The following WWOX variants were observed in gnomAD, a reference collection of about 807,000 sequenced individuals.
The protein encoded by WWOX is WW domain-containing oxidoreductase.
Under a neutral mutation model 46.2 loss-of-function variants are expected in WWOX, and 69 were observed. That is an observed-to-expected ratio of 1.49 (90% CI 1.23 to 1.82). The LOEUF is 1.82. WWOX is among the 40% of genes most tolerant of loss of function. The pLI is 0.00. For missense variants in WWOX, 919 were observed against 542.6 expected (o/e 1.69, Z -6.89); for synonymous variants, 359 against 202.6 (o/e 1.77, Z -6.56).
At chr16:78,815,233 G>A (rs756504857) in intron 8 of WWOX, among the ~76,000 whole-genome samples, 21 of 151,994 alleles carry the variant, frequency 1.4e-4, no homozygotes, top group Admixed American at 2.6e-4. Context: ...GTTGAGACAG[G>A]AGATTTCCTT....
intron 8 of WWOX, among the ~76,000 whole-genome samples, chr16:78,887,079 TGTGTGTGTGTGTGTGTGTGTGTGTG>T (rs1567627147): frequency 7.0e-4 from 5 of 7,190 alleles, no homozygotes; most frequent in Admixed American, 6.7e-3. Context: ...GTGTGTGTGG[TGTGTGTGTGTGTGTGTGTGTGTGTG>T]TGTGTGTGTG....
chr16:78,759,486 C>T (rs1262620043), intron 8 of WWOX, among the ~76,000 whole-genome samples: 1 of 152,112 alleles, frequency 6.6e-6, no homozygotes, highest in Non-Finnish European at 1.5e-5. Flanking sequence ...CCCTTGAAGC[C>T]TCTTGACATA....
chr16:78,859,728 C>T (rs1420904448), intron 8 of WWOX, among the ~76,000 whole-genome samples: 1 of 152,078 alleles, frequency 6.6e-6, no homozygotes, highest in African/African-American at 2.4e-5. Context: ...GATATAACAG[C>T]TGGCAAACAG....
intron 8 of WWOX, among the ~76,000 whole-genome samples, chr16:78,827,178 C>T (rs1597680420): frequency 2.0e-5 from 3 of 152,220 alleles, no homozygotes; most frequent in South Asian, 2.1e-4. Flanking sequence ...AGTACATAGG[C>T]ATCAAGTGAA....
At chr16:78,645,610 A>T (rs932345660) in intron 8 of WWOX, among the ~76,000 whole-genome samples, 2 of 152,112 alleles carry the variant, frequency 1.3e-5, no homozygotes, top group Non-Finnish European at 2.9e-5. Flanking sequence ...GAAAGGGAGC[A>T]AGAGAGGGGA....
intron 8 of WWOX, among the ~76,000 whole-genome samples, chr16:78,792,288 C>G (rs2050625371): frequency 6.6e-6 from 1 of 152,190 alleles, no homozygotes; most frequent in Admixed American, 6.5e-5. Context: ...CTAGGCTGGA[C>G]TTGGCTGGAG....
intron 8 of WWOX, among the ~76,000 whole-genome samples, chr16:79,197,999 GT>G (rs2051273363): frequency 6.6e-6 from 1 of 152,078 alleles, no homozygotes; most frequent in African/African-American, 2.4e-5. Context: ...AAATCAATTG[GT>G]CATCTACCAA....
intron 8 of WWOX, among the ~76,000 whole-genome samples, chr16:78,808,959 C>A (rs899383647): frequency 6.6e-6 from 1 of 152,112 alleles, no homozygotes; most frequent in Admixed American, 6.6e-5. Flanking sequence ...TGCGCTTGAT[C>A]TAAATGTACT....
rs1400826554 is a variant in WWOX at position 79,207,152 on chromosome 16, C to T, written c.1057-4456C>T. On this transcript the variant is annotated intron_variant, in intron 8 of 8. Coordinates refer to ENST00000566780, the MANE Select transcript of WWOX (RefSeq NM_016373.4). ...CCTGTGACATGAGGGCTCACCCCCTCATCTCCACCGCAGCAGCTCTCTGAT... is the reference window on the plus strand; with the variant it reads ...CCTGTGACATGAGGGCTCACCCCCTTATCTCCACCGCAGCAGCTCTCTGAT... Among the ~76,000 whole-genome samples, 33 of 152,158 alleles carry T rather than the reference C, an allele frequency of 2.2e-4. 1 individual carries two copies. The highest frequency in any genetic ancestry group is 7.4e-5 in the Non-Finnish European group (5 of 68,020).
chr16:78,377,480 C>T (rs1199611065), intron 5 of WWOX, among the ~76,000 whole-genome samples: 1 of 152,044 alleles, frequency 6.6e-6, no homozygotes, highest in African/African-American at 2.4e-5. Flanking sequence ...AAAATGTAAC[C>T]ACGCTTTACC....
intron 8 of WWOX, among the ~76,000 whole-genome samples, chr16:78,682,877 A>G (rs1053620966): frequency 1.3e-5 from 2 of 152,142 alleles, no homozygotes; most frequent in South Asian, 4.1e-4. Context: ...AGCTTTAGAT[A>G]ATGCATTGTA....
At chr16:79,059,046 T>C (rs757851673) in intron 8 of WWOX, among the ~76,000 whole-genome samples, 4 of 152,226 alleles carry the variant, frequency 2.6e-5, no homozygotes, top group African/African-American at 4.8e-5. Flanking sequence ...CTGGAGATTG[T>C]TATCAGTCAT....
At chr16:78,821,207 A>G (rs1295839815) in intron 8 of WWOX, among the ~76,000 whole-genome samples, 5 of 152,128 alleles carry the variant, frequency 3.3e-5, no homozygotes, top group African/African-American at 1.2e-4. Context: ...ACACCCATCT[A>G]CTTATCCCTG....
In WWOX at chr16:78,488,186, A is replaced by G. The variant is rs1053742642; in HGVS notation, c.1056+55434A>G. Among the ~76,000 whole-genome samples, 2 of 152,216 alleles carry G rather than the reference A, an allele frequency of 1.3e-5. 1 individual carries two copies. Among genetic ancestry groups the G allele is most frequent in the South Asian group, 4.1e-4 (2 of 4,834 alleles). On this transcript the variant is annotated intron_variant, in intron 8 of 8. Coordinates refer to ENST00000566780, the MANE Select transcript of WWOX (RefSeq NM_016373.4). ...TGGCTGGGGATGGAGGGAACATGGA[A>G]GATGGGTCTTTGTTTAGAGGAAGCT...
intron 8 of WWOX, among the ~76,000 whole-genome samples, chr16:78,611,824 G>T (rs983153050): frequency 1.3e-5 from 2 of 152,224 alleles, no homozygotes; most frequent in African/African-American, 4.8e-5. Context: ...AAAAAGAACA[G>T]TGGTGAGACC....
At chr16:78,354,623 C>T (rs947947392) in intron 5 of WWOX, among the ~76,000 whole-genome samples, 2 of 152,022 alleles carry the variant, frequency 1.3e-5, no homozygotes, top group African/African-American at 4.8e-5. Flanking sequence ...CTTAAGCTTT[C>T]TGAATTCCTT....
chr16:78,840,754 A>G (rs1008069408), intron 8 of WWOX, among the ~76,000 whole-genome samples: 4 of 151,808 alleles, frequency 2.6e-5, no homozygotes, highest in African/African-American at 9.7e-5. Flanking sequence ...ATGTACATAT[A>G]TATGTATATA....
intron 5 of WWOX, among the ~76,000 whole-genome samples, chr16:78,204,124 G>T (rs562959992): frequency 6.6e-6 from 1 of 152,344 alleles, no homozygotes; most frequent in African/African-American, 2.4e-5. Flanking sequence ...CCTGTAGCAA[G>T]AGCATGTCTT....
chr16:78,879,238 C>T (rs1204230054), intron 8 of WWOX, among the ~76,000 whole-genome samples: 6 of 152,092 alleles, frequency 3.9e-5, no homozygotes, highest in Non-Finnish European at 2.9e-5. Flanking sequence ...GTTGGGCATG[C>T]CGGGCAGGCT....
Sources: gnomAD v4.1 joint callset for allele counts (sites outside exome capture counted in the v4.1 genomes callset) on GRCh38, gnomAD v4.1.1 for gene constraint, MANE v1.5 for transcripts, NCBI Gene and HGNC (gene_info 2026-07-23, HGNC 2026-07-21) for gene names.